Variants in CA1 observed in about 807,000 individuals in gnomAD.
CA1 encodes the protein carbonate dehydratase I.
Under a neutral mutation model 28.8 loss-of-function variants are expected in CA1, and 27 were observed. That is an observed-to-expected ratio of 0.94 (90% CI 0.69 to 1.29). The LOEUF (loss-of-function observed/expected upper bound fraction) is 1.29, where lower values mean the gene tolerates loss of function less well. Ranked by LOEUF, CA1 falls within the 50% of genes most tolerant of loss-of-function variation. The pLI, the probability that CA1 is intolerant of heterozygous loss-of-function variation, is 0.00. For missense variants in CA1, 335 were observed against 310.5 expected, an observed-to-expected ratio of 1.08 and a Z score of -0.59; for synonymous variants, 121 against 108.8, an observed-to-expected ratio of 1.11 and a Z score of -0.70.
rs1282400234 is a variant in CA1, at chr8:85,328,566, T to C, written c.780A>G (p.Ser260=). 1 of 1,590,272 alleles carries C rather than the reference T, an allele frequency of 6.3e-7. No homozygotes were observed. The highest frequency in any genetic ancestry group is 8.6e-7 in the Non-Finnish European group (1 of 1,159,150). ...QPLKGRTVRA[S]F ...AAGTTTCTTCTCAGAATCATCAAAATGAAGCTCTCACTGTTCTGCCCTTCA... is the reference window on the plus strand; with the variant it reads ...AAGTTTCTTCTCAGAATCATCAAAACGAAGCTCTCACTGTTCTGCCCTTCA... The change falls in exon 8 of 8, where the codon TCA becomes TCG. Residue 260 remains serine (S), a synonymous_variant. Transcript: ENST00000523022.
chr8:85,344,308 ATAT>A (rs1324684837), intron 1 of CA1, among the ~76,000 whole-genome samples: 2 of 20,122 alleles, frequency 9.9e-5, no homozygotes, highest in Non-Finnish European at 3.1e-4. Context: ...ATATAATTAT[ATAT>A]TATACAGTAT....
intron 1 of CA1, among the ~76,000 whole-genome samples, chr8:85,349,329 G>A (rs1335069415): frequency 6.6e-6 from 1 of 152,168 alleles, no homozygotes; most frequent in African/African-American, 2.4e-5. Flanking sequence ...AGAAAATTAA[G>A]CCACTTGTCC....
intron 1 of CA1, among the ~76,000 whole-genome samples, chr8:85,344,130 T>A (rs1235739293): frequency 7.2e-6 from 1 of 138,200 alleles, no homozygotes; most frequent in African/African-American, 2.6e-5. Context: ...AAAATTTAAA[T>A]TTATATATAT....
chr8:85,348,114 G>C (rs1809272981), intron 1 of CA1, among the ~76,000 whole-genome samples: 3 of 151,992 alleles, frequency 2.0e-5, no homozygotes, highest in African/African-American at 7.3e-5. Flanking sequence ...TTCTCCTTTA[G>C]GAAGAATACT....
intron 7 of CA1, among the ~76,000 whole-genome samples, chr8:85,329,066 G>C (rs1339007797): frequency 6.6e-6 from 1 of 151,988 alleles, no homozygotes. Context: ...AGATTAAATG[G>C]GTTAATACAT....
chr8:85,344,208 AATATAATTATATTATATACAGTATATAAT>A (rs1403099246), intron 1 of CA1, among the ~76,000 whole-genome samples: 13 of 104,732 alleles, frequency 1.2e-4, no homozygotes, highest in African/African-American at 7.2e-4. Flanking sequence ...TACAGTATAT[AATATAATTATATTATATACAGTATATAAT>A]ATATAATTAT....
rs532543333 is a variant in CA1, at chr8:85,362,378, G to T, written c.-25+15668C>A. Among the ~76,000 whole-genome samples, 7 of 152,290 alleles carry T rather than the reference G, an allele frequency of 4.6e-5. No homozygotes were observed. In the South Asian group the frequency reaches 1.4e-3, roughly 32 times the overall value. Reference sequence around the variant, plus strand: ...TTCTGGGGATTAAGATATGGACATTGTTGGGGCCAATTATTTAGCCTACTA... The same window carrying T: ...TTCTGGGGATTAAGATATGGACATTTTTGGGGCCAATTATTTAGCCTACTA... On this transcript the variant is annotated intron_variant, in intron 1 of 7. Transcript: ENST00000523022.
intron 1 of CA1, among the ~76,000 whole-genome samples, chr8:85,349,029 G>A (rs559331818): frequency 3.6e-4 from 55 of 152,214 alleles, no homozygotes; most frequent in Admixed American, 1.4e-3. Flanking sequence ...CCCTCACCCC[G>A]GGGTTTTTCT....
chr8:85,338,783 G>A (rs561958255), intron 2 of CA1, among the ~76,000 whole-genome samples: 4 of 141,312 alleles, frequency 2.8e-5, no homozygotes, highest in Middle Eastern at 3.8e-3. Context: ...ATGCGCTCTT[G>A]GCTCACTGCA....
At chr8:85,375,077 T>G (rs1335674233) in intron 1 of CA1, among the ~76,000 whole-genome samples, 1 of 152,246 alleles carries the variant, frequency 6.6e-6, no homozygotes, top group Non-Finnish European at 1.5e-5. Context: ...AACACATTTC[T>G]TGTGCCCTTC....
intron 3 of CA1, among the ~76,000 whole-genome samples, chr8:85,337,816 G>A (rs1248713329): frequency 6.6e-6 from 1 of 152,156 alleles, no homozygotes; most frequent in Non-Finnish European, 1.5e-5. Flanking sequence ...AGCAAAATTT[G>A]TTCTAGATTC....
At chr8:85,346,289 T>C (rs1007076884) in intron 1 of CA1, among the ~76,000 whole-genome samples, 2 of 152,238 alleles carry the variant, frequency 1.3e-5, no homozygotes, top group African/African-American at 2.4e-5. Flanking sequence ...CATGAATGGA[T>C]AACTTGGGCA....
intron 1 of CA1, among the ~76,000 whole-genome samples, chr8:85,354,068 A>T (rs1017719722): frequency 2.6e-5 from 4 of 151,170 alleles, no homozygotes; most frequent in African/African-American, 9.7e-5. Context: ...GGTTCAAGAG[A>T]TCCTCCCAGC....
intron 4 of CA1, among the ~76,000 whole-genome samples, chr8:85,335,265 T>A (rs1295020223): frequency 6.6e-6 from 1 of 152,150 alleles, no homozygotes; most frequent in African/African-American, 2.4e-5. Flanking sequence ...TATACTTCCC[T>A]GCTTGAAAAA....
At chr8:85,357,010 T>C (rs1809628436) in intron 1 of CA1, among the ~76,000 whole-genome samples, 2 of 152,176 alleles carry the variant, frequency 1.3e-5, no homozygotes, top group Admixed American at 1.3e-4. Flanking sequence ...AACACAAATA[T>C]TATATATGAA....
chr8:85,343,754 A>G (rs1490673752), intron 1 of CA1, among the ~76,000 whole-genome samples: 1 of 152,014 alleles, frequency 6.6e-6, no homozygotes, highest in Non-Finnish European at 1.5e-5. Context: ...ATGACACTGG[A>G]CCCTAACTAT....
At chr8:85,360,775 C>T (rs1809764385) in intron 1 of CA1, among the ~76,000 whole-genome samples, 8 of 152,190 alleles carry the variant, frequency 5.3e-5, no homozygotes, top group Admixed American at 5.2e-4. Context: ...TGGCATTACA[C>T]CATCCCTGTT....
chr8:85,365,212 A>G (rs138162424), intron 1 of CA1, among the ~76,000 whole-genome samples: 2,717 of 152,340 alleles, frequency 0.018, 41 homozygotes, highest in Middle Eastern at 0.031. Context: ...AATGATGACA[A>G]AGGGTGACTT....
chr8:85,333,683 A>G, intron 4 of CA1, 63 bp from the exon 5 acceptor site: 1 of 1,062,236 alleles, frequency 9.4e-7, no homozygotes, highest in Non-Finnish European at 1.4e-6. Flanking sequence ...GATAAGTTAT[A>G]AGTTAACTTG....
Sources: allele counts gnomAD v4.1 joint callset (sites outside exome capture counted in the v4.1 genomes callset), GRCh38; gene constraint gnomAD v4.1.1; transcripts MANE v1.5; gene names NCBI Gene and HGNC (gene_info 2026-07-23, HGNC 2026-07-21).